MYO18A: variants seen among roughly 807,000 people sequenced by gnomAD.
The protein encoded by MYO18A is unconventional myosin-XVIIIa.
Under a neutral mutation model 235.8 loss-of-function variants are expected in MYO18A, and 78 were observed. The ratio of observed to expected loss-of-function variants is 0.33; its 90% CI spans 0.28 to 0.40. The LOEUF is 0.40. MYO18A is among the 10% of genes least tolerant of loss of function. The pLI is 1.00. For synonymous variants in MYO18A, 977 were observed against 1,077.8 expected (o/e 0.91, Z 1.83); for missense variants, 2,215 against 2,699.3 (o/e 0.82, Z 3.98).
At chr17:29,101,641 G>A (rs2066654358) in intron 21 of MYO18A, among the ~76,000 whole-genome samples, 1 of 152,168 alleles carries the variant, frequency 6.6e-6, no homozygotes, top group Non-Finnish European at 1.5e-5. Flanking sequence ...GTGCAAGCCT[G>A]AAATCCTGCT....
Position 29,099,762 on chromosome 17 carries a change from C to T in MYO18A, c.3508G>A (p.Val1170Met), listed in dbSNP as rs1436635327. ...GCCAAGGTGCCCGCCCGGAAGAACA[C>T]CTGTGAAAAAGCAGGCCAGGTGAAG... is the stretch of plus-strand genomic sequence containing the variant. ...KSSCCMGLSRVFFRAGTLARL... is the reference protein window; with the variant it reads ...KSSCCMGLSRMFFRAGTLARL... Residue 1170 changes from valine to methionine, a missense_variant and splice_region_variant, in exon 22 of 42, where the codon GTG becomes ATG. Coordinates refer to ENST00000527372, the MANE Select transcript of MYO18A (RefSeq NM_078471.4). The T allele has an allele frequency of 8.1e-6, 13 of 1,611,658 alleles. 1 individual carries two copies. The highest frequency in any genetic ancestry group is 3.3e-5 in the South Asian group (3 of 90,860).
Position 29,073,734 on chromosome 17 carries a change from A to T in MYO18A, c.*1036T>A. On this transcript the variant is annotated 3_prime_UTR_variant, in exon 42 of 42. Transcript: ENST00000527372. ...GACCACATGGTGTTGTGTCTGGGAT[A>T]AGTGTGTGGGGGCAGGGAGGTTGGA... 9.7e-7 allele frequency: 1 copy of T among 1,028,562 alleles called. No individual in the cohort carries two copies. 63.7% of individuals were successfully genotyped at this position (1,028,562 alleles called of 1,614,324 possible). A position where few individuals can be genotyped will look rare whatever the true frequency, so the allele number is the denominator to read the frequency against.
In MYO18A at chr17:29,118,497, C is replaced by T; in HGVS notation, c.1830-57G>A. Reference sequence around the variant, plus strand: ...CTTGGTCCCCATGCCAAGGCCATTTCCGCCCAGGGTGGAGACAGACAGACT... The same window carrying T: ...CTTGGTCCCCATGCCAAGGCCATTTTCGCCCAGGGTGGAGACAGACAGACT... On this transcript the variant is annotated intron_variant, in intron 8 of 41. Transcript: ENST00000527372. The surrounding 1 kb of genome is among the most constrained non-coding windows in gnomAD (Gnocchi z 4.2). 6.7e-7 allele frequency: 1 copy of T among 1,502,306 alleles called. No individual in the cohort carries two copies. The highest frequency in any genetic ancestry group is 9.2e-7 in the Non-Finnish European group (1 of 1,091,730). The allele number at this position is 1,502,306 out of a possible 1,614,324, so 93.1% of individuals were successfully genotyped here.
intron 2 of MYO18A, among the ~76,000 whole-genome samples, chr17:29,130,258 C>G (rs2067430004): frequency 7.0e-6 from 1 of 142,400 alleles, no homozygotes; most frequent in African/African-American, 2.6e-5. Flanking sequence ...TGAGATGGCA[C>G]CACTGCATTC....
chr17:29,092,089 C>T (rs1054283723), intron 34 of MYO18A, among the ~76,000 whole-genome samples: 3 of 152,234 alleles, frequency 2.0e-5, no homozygotes, highest in South Asian at 2.1e-4. Context: ...GCCAAGCTCC[C>T]GTAGGCAGGT....
In MYO18A at chr17:29,074,097, T is replaced by C. The variant is rs761612715; in HGVS notation, c.*673A>G. On this transcript the variant is annotated 3_prime_UTR_variant, in exon 42 of 42. Coordinates refer to ENST00000527372, the MANE Select transcript of MYO18A (RefSeq NM_078471.4). This position sits in a 1 kb window ranked among gnomAD's most constrained non-coding sequence, Gnocchi z 4.4. ...CAGCCCAGCAGCACCGGAGAGCCCCTCCGCACCTCATTCTTAAGAACCTGG... is the reference window on the plus strand; with the variant it reads ...CAGCCCAGCAGCACCGGAGAGCCCCCCCGCACCTCATTCTTAAGAACCTGG... 5 of 1,613,910 alleles carry C rather than the reference T, an allele frequency of 3.1e-6. No individual in the cohort carries two copies. Among genetic ancestry groups the C allele is most frequent in the Non-Finnish European group, 4.2e-6 (5 of 1,179,990 alleles).
intron 2 of MYO18A, among the ~76,000 whole-genome samples, chr17:29,138,098 C>T (rs969354571): frequency 6.6e-6 from 1 of 152,138 alleles, no homozygotes; most frequent in Non-Finnish European, 1.5e-5. Context: ...CCTTAACCTG[C>T]ACTCTCTGGG....
intron 2 of MYO18A, among the ~76,000 whole-genome samples, chr17:29,160,272 T>C (rs1385425504): frequency 2.6e-5 from 4 of 152,246 alleles, no homozygotes; most frequent in African/African-American, 4.8e-5. Flanking sequence ...TCAGAGGCAA[T>C]TGGAGTGAAT....
In MYO18A at chr17:29,158,269, T is replaced by C. The variant is rs2068101342; in HGVS notation, c.999+7673A>G. On this transcript the variant is annotated intron_variant, in intron 2 of 41. Transcript: ENST00000527372. This position sits in a 1 kb window ranked among gnomAD's most constrained non-coding sequence, Gnocchi z 4.3. ...TGAGTCGCACCAGGGCAGAACACCA[T>C]GCCCTGATTCTGGAGAACATATGGC... Among the ~76,000 whole-genome samples, 1 of 152,144 alleles carries C rather than the reference T, an allele frequency of 6.6e-6. No homozygotes were observed.
Position 29,115,438 on chromosome 17 carries a change from G to C in MYO18A, c.2231C>G (p.Pro744Arg). 1 of 1,613,262 alleles carries C rather than the reference G, an allele frequency of 6.2e-7. No individual in the cohort carries two copies. The highest frequency in any genetic ancestry group is 2.2e-5 in the East Asian group (1 of 44,876). Residue 744 changes from proline to arginine, a missense_variant, in exon 13 of 42, where the codon CCG (proline) becomes CGG (arginine). By Grantham distance (103) the Pro-to-Arg change is moderately radical. Coordinates refer to ENST00000527372, the MANE Select transcript of MYO18A (RefSeq NM_078471.4). ...EESGLGDGTG[P>R]KLSALECLEG... ...AAGGCACTCCAGTGCACTCAGTTTC[G>C]GGCCTGTGGGGCAGGGGGAGCAGCG...
At position 29,117,297 on chromosome 17, in the gene MYO18A, G is replaced by C. The variant is rs900822594; in HGVS notation, c.2038+748C>G. Among the ~76,000 whole-genome samples, 11 of 152,182 alleles carry C rather than the reference G, an allele frequency of 7.2e-5. No homozygotes were observed. Among genetic ancestry groups the C allele is most frequent in the African/African-American group, 2.7e-4 (11 of 41,446 alleles). Reference sequence around the variant, plus strand: ...CAAGTGCCAAAGCTGCAGCCCATTCGTTACCACGGTGCCTGCTGCCCCCTA... The same window carrying C: ...CAAGTGCCAAAGCTGCAGCCCATTCCTTACCACGGTGCCTGCTGCCCCCTA... On this transcript the variant is annotated intron_variant, in intron 10 of 41. Coordinates refer to ENST00000527372, the MANE Select transcript of MYO18A (RefSeq NM_078471.4). This position sits in a 1 kb window ranked among gnomAD's most constrained non-coding sequence, Gnocchi z 4.6.
Position 29,166,969 on chromosome 17 carries a change from C to A in MYO18A, c.-29G>T. The A allele has an allele frequency of 6.7e-7, 1 of 1,502,238 alleles. No individual in the cohort carries two copies. The allele number at this position is 1,502,238 out of a possible 1,614,324, so 93.1% of individuals were successfully genotyped here. A position where few individuals can be genotyped will look rare whatever the true frequency, so the allele number is the denominator to read the frequency against. ...GGGGGTGCTGTTTGTAGGGGTAGCACCCCCAGAGGATTATGAGTGCTTAGC... is the reference window on the plus strand; with the variant it reads ...GGGGGTGCTGTTTGTAGGGGTAGCAACCCCAGAGGATTATGAGTGCTTAGC... On this transcript the variant is annotated 5_prime_UTR_variant, in exon 2 of 42. Transcript: ENST00000527372.
chr17:29,120,498 G>C lies in MYO18A; in HGVS notation c.1728+118C>G, dbSNP rs987674543. 1.5e-6 allele frequency: 2 copies of C among 1,361,050 alleles called. No individual in the cohort carries two copies. The highest frequency in any genetic ancestry group is 2.9e-5 in the African/African-American group (2 of 68,282). 84.3% of individuals were successfully genotyped at this position (1,361,050 alleles called of 1,614,324 possible). A position where few individuals can be genotyped will look rare whatever the true frequency, so the allele number is the denominator to read the frequency against. On this transcript the variant is annotated intron_variant, in intron 7 of 41. Coordinates refer to ENST00000527372, the MANE Select transcript of MYO18A (RefSeq NM_078471.4). This position sits in a 1 kb window ranked among gnomAD's most constrained non-coding sequence, Gnocchi z 4.2. ...GCAGGCCAACCCTGCCCATGCCTGG[G>C]TCAATTTTGTTAGGGTAGAATCCCA...
At chr17:29,113,413 A>G (rs2066981673) in intron 15 of MYO18A, among the ~76,000 whole-genome samples, 2 of 152,218 alleles carry the variant, frequency 1.3e-5, no homozygotes, top group African/African-American at 4.8e-5. Flanking sequence ...TCCCCCACCG[A>G]GTGCCAAGGT....
intron 22 of MYO18A, among the ~76,000 whole-genome samples, 182 bp downstream of exon 22, chr17:29,099,452 G>A (rs2066602662): frequency 6.6e-6 from 1 of 151,984 alleles, no homozygotes; most frequent in East Asian, 1.9e-4. Flanking sequence ...CTCCAACCAG[G>A]CCCCGTCGCT....
chr17:29,112,018 T>C (rs1272405333), intron 15 of MYO18A, among the ~76,000 whole-genome samples, 155 bp from the exon 16 acceptor site: 1 of 152,156 alleles, frequency 6.6e-6, no homozygotes, highest in Non-Finnish European at 1.5e-5. Flanking sequence ...TGCTGACACC[T>C]TGTGGAGGAA....
In MYO18A at chr17:29,117,919, C is replaced by A. The variant is rs898126660; in HGVS notation, c.2038+126G>T. 8.5e-5 allele frequency: 101 copies of A among 1,181,320 alleles called. No individual in the cohort carries two copies. Among genetic ancestry groups the A allele is most frequent in the Non-Finnish European group, 1.1e-4 (91 of 855,786 alleles). The allele number at this position is 1,181,320 out of a possible 1,614,324, so 73.2% of individuals were successfully genotyped here. ...TGAAGTGGGGGGCTGAGAAGAGGCACAAGCAAAAGAGGGTTGTCTCAGAAC... is the reference window on the plus strand; with the variant it reads ...TGAAGTGGGGGGCTGAGAAGAGGCAAAAGCAAAAGAGGGTTGTCTCAGAAC... On this transcript the variant is annotated intron_variant, in intron 10 of 41. Transcript: ENST00000527372. The surrounding 1 kb of genome is among the most constrained non-coding windows in gnomAD (Gnocchi z 4.6).
intron 30 of MYO18A, 50 bp from the exon 31 acceptor site, chr17:29,094,140 C>G (rs1288731974): frequency 7.4e-7 from 1 of 1,350,254 alleles, no homozygotes; most frequent in African/African-American, 1.4e-5. Flanking sequence ...CTGTGGCCAC[C>G]CCCTTCCCAC....
chr17:29,159,892 A>G (rs1180699832), intron 2 of MYO18A, among the ~76,000 whole-genome samples: 1 of 152,196 alleles, frequency 6.6e-6, no homozygotes, highest in Admixed American at 6.5e-5. Context: ...TGCAGGCCCG[A>G]GAAGCTGGCC....
Sources: allele counts gnomAD v4.1 joint callset (sites outside exome capture counted in the v4.1 genomes callset), GRCh38; gene constraint gnomAD v4.1.1; non-coding constraint Gnocchi (gnomAD v3.1); transcripts MANE v1.5; gene names NCBI Gene and HGNC (gene_info 2026-07-23, HGNC 2026-07-21).